The following TRPC4 variants were observed in gnomAD, a reference collection of about 807,000 sequenced individuals.
TRPC4 encodes short transient receptor potential channel 4.
TRPC4 carries 49 observed loss-of-function variants against 99.4 expected under a neutral mutation model. The ratio of observed to expected loss-of-function variants is 0.49; its 90% CI spans 0.39 to 0.63. The LOEUF is 0.63. Among genes scored for constraint, TRPC4 ranks in the 20% least tolerant of loss-of-function variants. TRPC4 has a pLI of 0.00. For missense variants in TRPC4, 898 were observed against 1,152.9 expected (o/e 0.78, Z 3.20); for synonymous variants, 454 against 425.9 (o/e 1.07, Z -0.81).
chr13:37,720,630 T>A (rs1954839126), intron 3 of TRPC4, among the ~76,000 whole-genome samples: 1 of 152,140 alleles, frequency 6.6e-6, no homozygotes, highest in Admixed American at 6.6e-5. Flanking sequence ...TCTCAATACC[T>A]CAGATAATGA....
intron 1 of TRPC4, among the ~76,000 whole-genome samples, chr13:37,785,562 G>A (rs1956948576): frequency 6.6e-6 from 1 of 151,956 alleles, no homozygotes; most frequent in Non-Finnish European, 1.5e-5. Context: ...TTTGAATGTA[G>A]CTCACCCAAA....
At position 37,755,817 on chromosome 13, in the gene TRPC4, C is replaced by T. The variant is rs117139264; in HGVS notation, c.379-9362G>A. ...ACACGAAACTTCTGTGACTCAAATG[C>T]CTTTTTAAAGTTCTGGTTGATAGTA... is the stretch of plus-strand genomic sequence containing the variant. On this transcript the variant is annotated intron_variant, in intron 2 of 10. Coordinates refer to ENST00000379705, the MANE Select transcript of TRPC4 (RefSeq NM_016179.4). 9.4e-3 allele frequency among the ~76,000 whole-genome samples: 1,425 copies of T among 152,144 alleles called. 23 individuals are homozygous for T. Among genetic ancestry groups the T allele is most frequent in the Non-Finnish European group, 1.0e-2 (677 of 67,972 alleles).
chr13:37,766,419 C>T (rs374567022), intron 2 of TRPC4, among the ~76,000 whole-genome samples: 307 of 150,710 alleles, frequency 2.0e-3, no homozygotes, highest in African/African-American at 7.1e-3. Context: ...TATGCTAAAC[C>T]GGGAAAATTG....
chr13:37,702,155 T>G (rs1029978321), intron 3 of TRPC4, among the ~76,000 whole-genome samples: 4 of 152,196 alleles, frequency 2.6e-5, no homozygotes, highest in African/African-American at 9.6e-5. Context: ...TCTCCCTGTA[T>G]GCCTCATTTC....
chr13:37,822,723 A>G (rs1463308336), intron 1 of TRPC4, among the ~76,000 whole-genome samples: 10 of 152,094 alleles, frequency 6.6e-5, no homozygotes, highest in Non-Finnish European at 1.3e-4. Context: ...TAATGCCGCA[A>G]TGAACATACG....
At chr13:37,661,136 A>G (rs542414397) in intron 6 of TRPC4, among the ~76,000 whole-genome samples, 2 of 152,342 alleles carry the variant, frequency 1.3e-5, no homozygotes, top group East Asian at 3.9e-4. Context: ...ATGTAATTAT[A>G]TGTTGCTTTT....
chr13:37,667,801 T>G, intron 5 of TRPC4, among the ~76,000 whole-genome samples: 1 of 152,218 alleles, frequency 6.6e-6, no homozygotes, highest in East Asian at 1.9e-4. Flanking sequence ...GGCTCAAACT[T>G]TCACTACTGG....
chr13:37,653,450 A>AAAGG (rs201235955), intron 7 of TRPC4, among the ~76,000 whole-genome samples: 1 of 152,222 alleles, frequency 6.6e-6, no homozygotes, highest in East Asian at 1.9e-4. Flanking sequence ...AAAGAAAAAG[A>AAAGG]AAGGAAGGAA....
chr13:37,782,460 G>A (rs941354931), intron 2 of TRPC4, among the ~76,000 whole-genome samples: 3 of 152,056 alleles, frequency 2.0e-5, no homozygotes, highest in Admixed American at 6.6e-5. Context: ...ATCTACTAGA[G>A]TTTGTTAAAG....
At chr13:37,653,596 CTT>C (rs893087674) in intron 7 of TRPC4, among the ~76,000 whole-genome samples, 1 of 152,084 alleles carries the variant, frequency 6.6e-6, no homozygotes, top group Admixed American at 6.6e-5. Flanking sequence ...CTCAGTGACT[CTT>C]TGGTTCTCCA....
chr13:37,673,877 T>C (rs968799049), intron 5 of TRPC4, among the ~76,000 whole-genome samples: 3 of 152,152 alleles, frequency 2.0e-5, no homozygotes, highest in East Asian at 1.9e-4. Flanking sequence ...CTGAAGAAAA[T>C]AGATTTGGGT....
intron 1 of TRPC4, among the ~76,000 whole-genome samples, chr13:37,867,655 C>T (rs1455619949): frequency 1.3e-5 from 2 of 151,978 alleles, no homozygotes; most frequent in Non-Finnish European, 2.9e-5. Flanking sequence ...AGTTCAGAAA[C>T]AGCAATTTTT....
At chr13:37,725,222 G>T (rs948461657) in intron 3 of TRPC4, among the ~76,000 whole-genome samples, 1 of 151,904 alleles carries the variant, frequency 6.6e-6, no homozygotes, top group African/African-American at 2.4e-5. Flanking sequence ...GAAAGAAGAT[G>T]AACAGAGTCT....
intron 10 of TRPC4, among the ~76,000 whole-genome samples, chr13:37,638,198 G>A (rs545904502): frequency 6.7e-6 from 1 of 149,506 alleles, no homozygotes; most frequent in East Asian, 2.0e-4. Context: ...TGGGACAACT[G>A]AATTCTCACT....
At chr13:37,868,538 T>C (rs555152957) in intron 1 of TRPC4, among the ~76,000 whole-genome samples, 1 of 152,304 alleles carries the variant, frequency 6.6e-6, no homozygotes, top group Non-Finnish European at 1.5e-5. Flanking sequence ...ATATTCTTTG[T>C]GCTGTGATTA....
chr13:37,660,487 T>C (rs1952397210), intron 6 of TRPC4, among the ~76,000 whole-genome samples: 1 of 152,150 alleles, frequency 6.6e-6, no homozygotes, highest in Non-Finnish European at 1.5e-5. Context: ...TTGTATAGGC[T>C]TCTTTTAGGT....
intron 3 of TRPC4, among the ~76,000 whole-genome samples, chr13:37,714,282 A>T (rs528036748): frequency 6.6e-6 from 1 of 152,086 alleles, no homozygotes; most frequent in East Asian, 1.9e-4. Context: ...ATGTGCCACC[A>T]TGCCCGGCTA....
intron 5 of TRPC4, among the ~76,000 whole-genome samples, chr13:37,670,820 T>A (rs564796180): frequency 1.3e-5 from 2 of 152,360 alleles, no homozygotes; most frequent in Admixed American, 6.5e-5. Flanking sequence ...TAGTGAACTC[T>A]GCTTGTTAAA....
chr13:37,714,779 A>T (rs1488626004), intron 3 of TRPC4, among the ~76,000 whole-genome samples: 1 of 72,194 alleles, frequency 1.4e-5, no homozygotes, highest in African/African-American at 5.0e-5. Context: ...GTCAGTTCAG[A>T]TTCCCTCTGG....
Sources: allele counts gnomAD v4.1 joint callset (sites outside exome capture counted in the v4.1 genomes callset), GRCh38; gene constraint gnomAD v4.1.1; transcripts MANE v1.5; gene names NCBI Gene and HGNC (gene_info 2026-07-23, HGNC 2026-07-21).